ASB2: variants seen among roughly 807,000 people sequenced by gnomAD.
The protein encoded by ASB2 is ankyrin repeat and SOCS box protein 2.
In ASB2, 58 loss-of-function variants were observed where a neutral mutation model predicts 62.4. That is an observed-to-expected ratio of 0.93 (90% CI 0.75 to 1.16). ASB2 has a LOEUF of 1.16. Among genes scored for constraint, ASB2 ranks in the 50% most tolerant of loss-of-function variants. ASB2 has a pLI of 0.00. For missense variants in ASB2, 928 were observed against 887.9 expected, an observed-to-expected ratio of 1.05 and a Z score of -0.57; for synonymous variants, 386 against 385.3, an observed-to-expected ratio of 1.00 and a Z score of -0.02.
In ASB2 at chr14:93,939,413, T is replaced by TGAGGTC. The variant is rs1888415585; in HGVS notation, c.1311_1312insGACCTC (p.Pro437_Asn438insAspLeu). On this transcript the variant is annotated inframe_insertion, in exon 8 of 10. Transcript: ENST00000555019. ...AGCAAGGGGCTGATGACGTCGCGGTTGGGGTCGGCGCCGTGTTGCAGCAGC... is the reference window on the plus strand; with the variant it reads ...AGCAAGGGGCTGATGACGTCGCGGTTGAGGTCGGGGTCGGCGCCGTGTTGCAGCAGC... The TGAGGTC allele has an allele frequency of 6.2e-7, 1 of 1,612,710 alleles. No individual in the cohort carries two copies. Among genetic ancestry groups the TGAGGTC allele is most frequent in the African/African-American group, 1.3e-5 (1 of 75,004 alleles).
intron 2 of ASB2, among the ~76,000 whole-genome samples, chr14:93,961,256 G>A (rs1329000021): frequency 1.3e-5 from 2 of 152,244 alleles, no homozygotes; most frequent in African/African-American, 4.8e-5. Flanking sequence ...ATAAAGATGA[G>A]GCCACTGGGG....
chr14:93,947,768 C>T (rs969124048), intron 6 of ASB2, among the ~76,000 whole-genome samples: 3 of 151,808 alleles, frequency 2.0e-5, no homozygotes, highest in Non-Finnish European at 4.4e-5. Flanking sequence ...CTGAGGCAGG[C>T]GGATCACCTG....
At chr14:93,963,690 T>C (rs1453426776) in intron 2 of ASB2, among the ~76,000 whole-genome samples, 1 of 152,240 alleles carries the variant, frequency 6.6e-6, no homozygotes, top group African/African-American at 2.4e-5. Context: ...TTTATATTGA[T>C]GGAAATATAA....
At chr14:93,955,986 G>A (rs1889182019) in intron 3 of ASB2, among the ~76,000 whole-genome samples, 2 of 152,150 alleles carry the variant, frequency 1.3e-5, no homozygotes, top group South Asian at 4.1e-4. Flanking sequence ...ACCACACCAA[G>A]GAAGTGGAGG....
At chr14:93,970,884 G>A (rs544909128) in intron 1 of ASB2, among the ~76,000 whole-genome samples, 1 of 152,328 alleles carries the variant, frequency 6.6e-6, no homozygotes, top group South Asian at 2.1e-4. Flanking sequence ...GTGAAATTAG[G>A]TGACAGGTAT....
At position 93,953,498 on chromosome 14, in the gene ASB2, C is replaced by G. The variant is rs761344971; in HGVS notation, c.488G>C (p.Gly163Ala). The stretch of plus-strand genomic sequence containing the variant: ...CTGCAGGGTGCGCTGGTCGATGGTC[C>G]CTGGGTACGCTAGGGAGGGCCCACC... The part of the protein sequence containing the change: ...CLKVLQRAYP[G>A]TIDQRTLQEE... Residue 163 changes from glycine (G) to alanine (A), a missense_variant, in exon 5 of 10, where the codon GGG (glycine) becomes GCG (alanine). By Grantham distance (60) the Gly-to-Ala change is moderately conservative. Coordinates refer to ENST00000555019, the MANE Select transcript of ASB2 (RefSeq NM_001202429.2). 3 of 1,587,146 alleles carry G rather than the reference C, an allele frequency of 1.9e-6. No homozygotes were observed. Among genetic ancestry groups the G allele is most frequent in the African/African-American group, 2.7e-5 (2 of 74,370 alleles).
At chr14:93,959,433 T>A (rs1214602355) in intron 2 of ASB2, among the ~76,000 whole-genome samples, 1 of 152,206 alleles carries the variant, frequency 6.6e-6, no homozygotes, top group Non-Finnish European at 1.5e-5. Context: ...GTCTCAGGGC[T>A]GGCTGGGGAG....
At chr14:93,936,466 G>A (rs1888275272) in intron 9 of ASB2, among the ~76,000 whole-genome samples, 1 of 152,218 alleles carries the variant, frequency 6.6e-6, no homozygotes, top group Non-Finnish European at 1.5e-5. Flanking sequence ...AGTGGCCAAG[G>A]ATCGTGGTGA....
In ASB2 at chr14:93,953,460, C is replaced by A; in HGVS notation, c.526G>T (p.Val176Phe). The A allele has an allele frequency of 1.2e-6, 2 of 1,608,136 alleles. No individual in the cohort carries two copies. The highest frequency in any genetic ancestry group is 4.5e-5 in the East Asian group (2 of 44,652). Residue 176 changes from valine to phenylalanine, a missense_variant, in exon 5 of 10, where the codon GTT (valine) becomes TTT (phenylalanine). Physicochemically the swap from Val to Phe is conservative, Grantham distance 50 (BLOSUM62 -1). Transcript: ENST00000555019. Reference protein sequence around the residue: ...DQRTLQEETAVYLATCRGHLD... With the variant: ...DQRTLQEETAFYLATCRGHLD... ...TGGCCCCTGCACGTTGCCAAGTAAA[C>A]GGCTGTTTCCTCCTGCAGGGTGCGC...
Position 93,939,311 on chromosome 14 carries a change from C to T in ASB2, c.1414G>A (p.Ala472Thr), listed in dbSNP as rs149685515. Residue 472 changes from alanine (A) to threonine (T), a missense_variant, in exon 8 of 10, where the codon GCC (alanine) becomes ACC (threonine). Physicochemically the swap from Ala to Thr is moderately conservative, Grantham distance 58. Coordinates refer to ENST00000555019, the MANE Select transcript of ASB2 (RefSeq NM_001202429.2). ...DHGANIDAYI[A>T]THPTAFPATI... The stretch of plus-strand genomic sequence containing the variant: ...GCGGGGAAGGCGGTGGGGTGCGTGG[C>T]GATATAGGCGTCGATGTTCGCGCCG... 1.2e-6 allele frequency: 2 copies of T among 1,609,358 alleles called. No individual in the cohort carries two copies. Among genetic ancestry groups the T allele is most frequent in the African/African-American group, 2.7e-5 (2 of 74,828 alleles).
intron 5 of ASB2, 148 bp downstream of exon 5, chr14:93,953,204 G>T: frequency 1.4e-6 from 1 of 707,062 alleles, no homozygotes; most frequent in Non-Finnish European, 2.3e-6. Flanking sequence ...TAAAATACAT[G>T]CAGGAATGAA....
chr14:93,952,655 T>C (rs1889012776), intron 5 of ASB2, among the ~76,000 whole-genome samples: 1 of 152,182 alleles, frequency 6.6e-6, no homozygotes, highest in African/African-American at 2.4e-5. Context: ...AGCTGTGTGA[T>C]CCTGGGCGAC....
At chr14:93,959,085 C>T (rs1210341144) in intron 2 of ASB2, among the ~76,000 whole-genome samples, 1 of 152,186 alleles carries the variant, frequency 6.6e-6, no homozygotes, top group African/African-American at 2.4e-5. Flanking sequence ...ATTCTCCTGC[C>T]ACCATTGATG....
At chr14:93,974,556 G>A (rs1889856198) in intron 1 of ASB2, among the ~76,000 whole-genome samples, 1 of 152,300 alleles carries the variant, frequency 6.6e-6, no homozygotes, top group Middle Eastern at 3.4e-3. Context: ...TGCCTTGAGT[G>A]TGCCAGAGAC....
chr14:93,962,000 C>T (rs1265494750), intron 2 of ASB2, among the ~76,000 whole-genome samples: 4 of 151,532 alleles, frequency 2.6e-5, no homozygotes, highest in Non-Finnish European at 5.9e-5. Flanking sequence ...GGCACAGAAG[C>T]AATCCACTTT....
At chr14:93,971,777 A>T (rs1889762053) in intron 1 of ASB2, among the ~76,000 whole-genome samples, 1 of 152,080 alleles carries the variant, frequency 6.6e-6, no homozygotes, top group Admixed American at 6.5e-5. Context: ...TAAGGGAAAA[A>T]GTGACAAGGA....
At chr14:93,974,460 A>G (rs1889852164) in intron 1 of ASB2, among the ~76,000 whole-genome samples, 2 of 152,228 alleles carry the variant, frequency 1.3e-5, no homozygotes, top group Admixed American at 6.5e-5. Context: ...ATGGAAGGAC[A>G]CTGGGCAGGC....
chr14:93,944,627 C>A (rs1888654373), intron 7 of ASB2, among the ~76,000 whole-genome samples: 1 of 152,212 alleles, frequency 6.6e-6, no homozygotes, highest in African/African-American at 2.4e-5. Context: ...TGCCTGGTGG[C>A]AGAAGCTGCT....
intron 7 of ASB2, among the ~76,000 whole-genome samples, chr14:93,943,373 G>A (rs765787613): frequency 1.2e-4 from 18 of 152,340 alleles, no homozygotes; most frequent in Non-Finnish European, 2.5e-4. Flanking sequence ...GGCCGGGCGC[G>A]GTGGCTCACG....
Sources: allele counts gnomAD v4.1 joint callset (sites outside exome capture counted in the v4.1 genomes callset), GRCh38; gene constraint gnomAD v4.1.1; transcripts MANE v1.5; gene names NCBI Gene and HGNC (gene_info 2026-07-23, HGNC 2026-07-21).